Variants in MED28 observed in about 807,000 individuals in gnomAD.
MED28 encodes mediator of RNA polymerase II transcription subunit 28.
A neutral mutation model predicts 21.3 loss-of-function variants in MED28; 26 were observed. That is an observed-to-expected ratio of 1.22 (90% CI 0.89 to 1.69). The LOEUF (loss-of-function observed/expected upper bound fraction) is 1.69. Ranked by LOEUF, MED28 falls within the 40% of genes most tolerant of loss-of-function variation. The probability of loss-of-function intolerance (pLI) is 0.00; values close to 1 mark genes in which losing one functional copy is unlikely to be tolerated. For missense variants in MED28, 257 were observed against 215.4 expected (o/e 1.19, Z -1.21); for synonymous variants, 110 against 87.6 (o/e 1.26, Z -1.43).
rs1482573617 is a variant in MED28, at chr4:17,630,942, A to G, written c.*7144A>G. On this transcript the variant is annotated 3_prime_UTR_variant, in exon 4 of 4. Transcript: ENST00000237380. ...TTATTCAAAGAGCAAAGATTTGACAATGCATAGAATTAACATTGGTTTGTG... is the reference window on the plus strand; with the variant it reads ...TTATTCAAAGAGCAAAGATTTGACAGTGCATAGAATTAACATTGGTTTGTG... The G allele has an allele frequency of 1.3e-5, 2 of 152,218 alleles. No individual in the cohort carries two copies. The highest frequency in any genetic ancestry group is 1.9e-4 in the East Asian group (1 of 5,196). The allele number at this position is 152,218 out of a possible 1,614,324, so 9.4% of individuals were successfully genotyped here.
At chr4:17,623,048 CTG>C (rs1376814581) in intron 3 of MED28, among the ~76,000 whole-genome samples, 1 of 152,154 alleles carries the variant, frequency 6.6e-6, no homozygotes, top group East Asian at 1.9e-4. Context: ...CCATATCAAT[CTG>C]ATTTCTTTTT....
In MED28 at chr4:17,615,402, G is replaced by A. The variant is rs77692651; in HGVS notation, c.159+589G>A. Reference sequence around the variant, plus strand: ...GAACTGTATATTGAGGGAAGATAGAGAGGTGAAAATAAGTGCTCTGGTGAT... The same window carrying A: ...GAACTGTATATTGAGGGAAGATAGAAAGGTGAAAATAAGTGCTCTGGTGAT... On this transcript the variant is annotated intron_variant, in intron 1 of 3. Coordinates refer to ENST00000237380, the MANE Select transcript of MED28 (RefSeq NM_025205.5). Among the ~76,000 whole-genome samples the A allele has an allele frequency of 3.5e-4, 53 of 152,316 alleles. 2 individuals carry two copies. The East Asian group carries it at 9.8e-3, about 28-fold the overall frequency.
Position 17,625,543 on chromosome 4 carries a change from G to C in MED28, c.*1745G>C. 2.9e-6 allele frequency: 1 copy of C among 349,304 alleles called. No homozygotes were observed. Among genetic ancestry groups the C allele is most frequent in the Non-Finnish European group, 5.5e-6 (1 of 180,578 alleles). The allele number at this position is 349,304 out of a possible 1,614,324, so 21.6% of individuals were successfully genotyped here. A position where few individuals can be genotyped will look rare whatever the true frequency, so the allele number is the denominator to read the frequency against. ...GAGAAGATTGAGAACTATCCTATTT[G>C]GTGCTTAGTGAAAAGATTTTGAATT... is the stretch of plus-strand genomic sequence containing the variant. On this transcript the variant is annotated 3_prime_UTR_variant, in exon 4 of 4. Coordinates refer to ENST00000237380, the MANE Select transcript of MED28 (RefSeq NM_025205.5).
intron 1 of MED28, among the ~76,000 whole-genome samples, chr4:17,617,032 C>G (rs780732368): frequency 6.6e-6 from 1 of 152,192 alleles, no homozygotes; most frequent in East Asian, 1.9e-4. Flanking sequence ...GATCACTGCT[C>G]TGATAGAAGA....
At chr4:17,618,013 C>CTTTTTTT (rs529883796) in intron 1 of MED28, among the ~76,000 whole-genome samples, 30 of 117,904 alleles carry the variant, frequency 2.5e-4, no homozygotes, top group Non-Finnish European at 3.5e-4. Context: ...CTTTTCTTTT[C>CTTTTTTT]TTTTTTTTTT....
At position 17,626,945 on chromosome 4, in the gene MED28, C is replaced by T. The variant is rs1714784413; in HGVS notation, c.*3147C>T. ...GTTTAAGCAGTTCTCCTGCCTCAGC[C>T]TCCCAAGTAGCTGGGCTATTTTTTT... On this transcript the variant is annotated 3_prime_UTR_variant, in exon 4 of 4. Transcript: ENST00000237380. The T allele has an allele frequency of 6.6e-6, 1 of 150,944 alleles. No homozygotes were observed. The highest frequency in any genetic ancestry group is 1.5e-5 in the Non-Finnish European group (1 of 68,280). 9.4% of individuals were successfully genotyped at this position (150,944 alleles called of 1,614,324 possible).
At chr4:17,621,079 A>C (rs1161583412) in intron 2 of MED28, among the ~76,000 whole-genome samples, 1 of 142,850 alleles carries the variant, frequency 7.0e-6, no homozygotes, top group African/African-American at 2.6e-5. Context: ...CAGTGGCGCG[A>C]TCTCGGCTCA....
rs1374788503 is a variant in MED28, at chr4:17,632,472, T to G, written c.*8674T>G. The G allele has an allele frequency of 7.4e-7, 1 of 1,343,736 alleles. No homozygotes were observed. The highest frequency in any genetic ancestry group is 1.5e-5 in the African/African-American group (1 of 68,354). The allele number at this position is 1,343,736 out of a possible 1,614,324, so 83.2% of individuals were successfully genotyped here. On this transcript the variant is annotated 3_prime_UTR_variant, in exon 4 of 4. Coordinates refer to ENST00000237380, the MANE Select transcript of MED28 (RefSeq NM_025205.5). ...GGTTGGTGTTAGTTCATTCCTTCAATCGGATGATTTAAAATAAATGTTTTT... is the reference window on the plus strand; with the variant it reads ...GGTTGGTGTTAGTTCATTCCTTCAAGCGGATGATTTAAAATAAATGTTTTT...
At chr4:17,616,037 T>G (rs1203226993) in intron 1 of MED28, among the ~76,000 whole-genome samples, 8 of 151,918 alleles carry the variant, frequency 5.3e-5, no homozygotes, top group Non-Finnish European at 1.2e-4. Context: ...TTCGGCTTAC[T>G]GCAACCTCCG....
chr4:17,619,407 A>G (rs1178167201), intron 1 of MED28, among the ~76,000 whole-genome samples: 1 of 152,184 alleles, frequency 6.6e-6, no homozygotes, highest in Non-Finnish European at 1.5e-5. Context: ...GACAGATAAT[A>G]ATGGATGAAA....
Position 17,631,537 on chromosome 4 carries a change from T to TAC in MED28, c.*7742_*7743dup, listed in dbSNP as rs1714944181. On this transcript the variant is annotated 3_prime_UTR_variant, in exon 4 of 4. Transcript: ENST00000237380. Reference sequence around the variant, plus strand: ...GTGATCATGTTGGCACTATGGTCATTACACTGAGACCTATAACTGGGCTAG... The same window carrying TAC: ...GTGATCATGTTGGCACTATGGTCATTACACACTGAGACCTATAACTGGGCTAG... 6.6e-6 allele frequency: 1 copy of TAC among 152,254 alleles called. No homozygotes were observed. The highest frequency in any genetic ancestry group is 2.4e-5 in the African/African-American group (1 of 41,468). 9.4% of individuals were successfully genotyped at this position (152,254 alleles called of 1,614,324 possible). A position where few individuals can be genotyped will look rare whatever the true frequency, so the allele number is the denominator to read the frequency against.
In MED28 at chr4:17,632,253, T is replaced by G; in HGVS notation, c.*8455T>G. ...CCATGCCTGGCTAATTTTTGTATATTTTGTAGAGATGGGGTTTCACCATAT... is the reference window on the plus strand; with the variant it reads ...CCATGCCTGGCTAATTTTTGTATATGTTGTAGAGATGGGGTTTCACCATAT... On this transcript the variant is annotated 3_prime_UTR_variant, in exon 4 of 4. Coordinates refer to ENST00000237380, the MANE Select transcript of MED28 (RefSeq NM_025205.5). The G allele has an allele frequency of 4.9e-6, 1 of 205,338 alleles. No homozygotes were observed. Among genetic ancestry groups the G allele is most frequent in the Non-Finnish European group, 1.0e-5 (1 of 99,774 alleles). The allele number at this position is 205,338 out of a possible 1,614,324, so 12.7% of individuals were successfully genotyped here. A position where few individuals can be genotyped will look rare whatever the true frequency, so the allele number is the denominator to read the frequency against.
chr4:17,615,823 T>G (rs948041071), intron 1 of MED28, among the ~76,000 whole-genome samples: 3 of 151,950 alleles, frequency 2.0e-5, no homozygotes, highest in African/African-American at 4.8e-5. Context: ...AAAAGTAAAA[T>G]AAAATATAAA....
chr4:17,618,008 CT>C (rs1714502662), intron 1 of MED28, among the ~76,000 whole-genome samples: 1 of 106,592 alleles, frequency 9.4e-6, no homozygotes, highest in African/African-American at 3.3e-5. Flanking sequence ...TTTTTCTTTT[CT>C]TTTCTTTTTT....
At chr4:17,619,566 T>C (rs1577231548) in intron 1 of MED28, among the ~76,000 whole-genome samples, 1 of 151,866 alleles carries the variant, frequency 6.6e-6, no homozygotes, top group African/African-American at 2.4e-5. Context: ...GAATGGGTGG[T>C]GATGTGAGTT....
chr4:17,615,757 C>T (rs1049176227), intron 1 of MED28, among the ~76,000 whole-genome samples: 1 of 152,154 alleles, frequency 6.6e-6, no homozygotes, highest in Non-Finnish European at 1.5e-5. Flanking sequence ...TTGCAGTGAG[C>T]GGAGACCGCG....
chr4:17,622,673 G>A (rs1577233036), intron 3 of MED28, among the ~76,000 whole-genome samples: 1 of 152,188 alleles, frequency 6.6e-6, no homozygotes, highest in East Asian at 1.9e-4. Context: ...TGGGGACCAG[G>A]ATGGGATAGA....
In MED28 at chr4:17,632,951, T is replaced by TCC. The variant is rs1316076922; in HGVS notation, c.*9155_*9156dup. 2 of 190,030 alleles carry TCC rather than the reference T, an allele frequency of 1.1e-5. No homozygotes were observed. The highest frequency in any genetic ancestry group is 4.7e-5 in the African/African-American group (2 of 42,892). 11.8% of individuals were successfully genotyped at this position (190,030 alleles called of 1,614,324 possible). A position where few individuals can be genotyped will look rare whatever the true frequency, so the allele number is the denominator to read the frequency against. On this transcript the variant is annotated 3_prime_UTR_variant, in exon 4 of 4. Transcript: ENST00000237380. ...TGTTTTTATTTTTTGTGACAGAGTC[T>TCC]CCCTCTGTCACCCAGGCTGGAGTGC...
chr4:17,623,902 AT>A lies in MED28; in HGVS notation c.*105del. On this transcript the variant is annotated 3_prime_UTR_variant, in exon 4 of 4. Coordinates refer to ENST00000237380, the MANE Select transcript of MED28 (RefSeq NM_025205.5). ...TTTTGGAAGAACTCTTTGCCAGATA[AT>A]GAGTTCATTTTAGTTTTATGCTCCC... is the stretch of plus-strand genomic sequence containing the variant. 7.6e-7 allele frequency: 1 copy of A among 1,322,680 alleles called. No homozygotes were observed. Among genetic ancestry groups the A allele is most frequent in the Non-Finnish European group, 1.0e-6 (1 of 964,404 alleles). 81.9% of individuals were successfully genotyped at this position (1,322,680 alleles called of 1,614,324 possible).
Sources: allele counts gnomAD v4.1 joint callset (sites outside exome capture counted in the v4.1 genomes callset), GRCh38; gene constraint gnomAD v4.1.1; transcripts MANE v1.5; gene names NCBI Gene and HGNC (gene_info 2026-07-23, HGNC 2026-07-21).